The following RC3H2 variants were observed in gnomAD, a reference collection of about 807,000 sequenced individuals.
RC3H2 encodes the protein roquin-2.
In RC3H2, 31 loss-of-function variants were observed where a neutral mutation model predicts 133.3. The ratio of observed to expected loss-of-function variants is 0.23; its 90% confidence interval spans 0.17 to 0.31. The LOEUF is 0.31. RC3H2 is among the 10% of genes least tolerant of loss of function. The probability of loss-of-function intolerance (pLI) is 1.00; values close to 1 mark genes in which losing one functional copy is unlikely to be tolerated. For synonymous variants in RC3H2, 517 were observed against 502.2 expected (o/e 1.03, Z -0.40); for missense variants, 1,175 against 1,437.2 (o/e 0.82, Z 2.95).
At chr9:122,900,886 C>T (rs1832624489) in intron 1 of RC3H2, among the ~76,000 whole-genome samples, 1 of 152,116 alleles carries the variant, frequency 6.6e-6, no homozygotes, top group African/African-American at 2.4e-5. Flanking sequence ...GTGAGAAATG[C>T]TAAATTAAAG....
intron 18 of RC3H2, among the ~76,000 whole-genome samples, chr9:122,853,105 C>A (rs529130581): frequency 6.6e-6 from 1 of 152,204 alleles, no homozygotes; most frequent in East Asian, 1.9e-4. Context: ...CTCTCTGAAA[C>A]ATGTGCTGTG....
At chr9:122,851,504 G>A in intron 18 of RC3H2, 68 bp from the exon 19 acceptor site, 2 of 1,554,330 alleles carry the variant, frequency 1.3e-6, no homozygotes, top group East Asian at 2.3e-5. Flanking sequence ...TCTCCCCATG[G>A]TCTCCCTCTC....
At chr9:122,856,593 T>G (rs1334173032) in intron 13 of RC3H2, among the ~76,000 whole-genome samples, 1 of 151,918 alleles carries the variant, frequency 6.6e-6, no homozygotes, top group Non-Finnish European at 1.5e-5. Flanking sequence ...CATGTGCAAA[T>G]AAGGGAATAT....
At chr9:122,864,426 G>A (rs1830563054) in intron 10 of RC3H2, among the ~76,000 whole-genome samples, 1 of 152,114 alleles carries the variant, frequency 6.6e-6, no homozygotes, top group Non-Finnish European at 1.5e-5. Context: ...TATCTGGTAG[G>A]CATTGTTCAA....
At chr9:122,875,348 T>TA in intron 9 of RC3H2, 2 of 1,550,532 alleles carry the variant, frequency 1.3e-6, no homozygotes, top group Non-Finnish European at 1.7e-6. Flanking sequence ...ACAATGAAGA[T>TA]ATAGTCCACG....
At chr9:122,887,176 G>T (rs1588102910) in intron 4 of RC3H2, among the ~76,000 whole-genome samples, 1 of 152,076 alleles carries the variant, frequency 6.6e-6, no homozygotes, top group Non-Finnish European at 1.5e-5. Context: ...GTAAAATTGT[G>T]ATTTTTCTAA....
At position 122,905,132 on chromosome 9, in the gene RC3H2, G is replaced by C; in HGVS notation, c.-90C>G. ...TACCTGAGGGGGCCCGGGCGGGGTC[G>C]CTAAGGGCCGCTCCCGGGAGCCCCG... On this transcript the variant is annotated 5_prime_UTR_variant, in exon 1 of 21. Coordinates refer to ENST00000357244, the MANE Select transcript of RC3H2 (RefSeq NM_001100588.3). The C allele has an allele frequency of 1.0e-6, 1 of 985,400 alleles. No individual in the cohort carries two copies. The highest frequency in any genetic ancestry group is 1.2e-6 in the Non-Finnish European group (1 of 829,914). 61.0% of individuals were successfully genotyped at this position (985,400 alleles called of 1,614,324 possible). A position where few individuals can be genotyped will look rare whatever the true frequency, so the allele number is the denominator to read the frequency against.
intron 15 of RC3H2, 101 bp from the exon 16 acceptor site, chr9:122,854,716 G>C: frequency 1.3e-6 from 1 of 763,132 alleles, no homozygotes; most frequent in East Asian, 2.6e-5. Flanking sequence ...TATCCCACTA[G>C]CCATATGATG....
At chr9:122,879,906 G>C (rs1362859767) in intron 7 of RC3H2, 33 bp from the exon 8 acceptor site, 5 of 1,611,312 alleles carry the variant, frequency 3.1e-6, no homozygotes, top group Non-Finnish European at 4.2e-6. Context: ...TGGGGGTTGG[G>C]GGGGAAGAAT....
At position 122,855,344 on chromosome 9, in the gene RC3H2, T is replaced by A. The variant is rs908304697; in HGVS notation, c.2655A>T (p.Arg885Ser). The A allele has an allele frequency of 6.2e-7, 1 of 1,614,010 alleles. No homozygotes were observed. ...TTATTGGATCTTCTTCTTTTGTCCT[T>A]CTCTGGGTTTCAAATAAATGTACTC... ...KRRVHLFETQ[R>S]RTKEEDPIIP... is the part of the protein sequence containing the mutation. Residue 885 changes from arginine (R) to serine (S), a missense_variant, in exon 15 of 21, where the codon AGA (arginine) becomes AGT (serine). This residue lies in a region of RC3H2 where 138 missense variants were observed against 215.0 expected (regional missense o/e 0.64). Transcript: ENST00000357244.
At chr9:122,879,585 A>T (rs1238209659) in intron 8 of RC3H2, among the ~76,000 whole-genome samples, 170 bp downstream of exon 8, 1 of 152,204 alleles carries the variant, frequency 6.6e-6, no homozygotes, top group Non-Finnish European at 1.5e-5. Context: ...TTGGTGTGCT[A>T]TGAAATGTTT....
rs1425806225 is a variant in RC3H2, at chr9:122,848,789, T to TA, written c.*837dup. ...AATGTACAGGCTTAAATCTGCATTT[T>TA]AAAAAACTGCCATTACATTAGTGCA... is the stretch of plus-strand genomic sequence containing the variant. On this transcript the variant is annotated 3_prime_UTR_variant, in exon 21 of 21. Transcript: ENST00000357244. 2 of 152,316 alleles carry TA rather than the reference T, an allele frequency of 1.3e-5. No homozygotes were observed. Among genetic ancestry groups the TA allele is most frequent in the Non-Finnish European group, 2.9e-5 (2 of 68,008 alleles). 9.4% of individuals were successfully genotyped at this position (152,316 alleles called of 1,614,324 possible). A position where few individuals can be genotyped will look rare whatever the true frequency, so the allele number is the denominator to read the frequency against.
intron 9 of RC3H2, among the ~76,000 whole-genome samples, chr9:122,876,679 G>T (rs956562203): frequency 6.6e-6 from 1 of 151,138 alleles, no homozygotes; most frequent in African/African-American, 2.4e-5. Flanking sequence ...GAAAAGCTGG[G>T]ATCAATTTTT....
At chr9:122,887,111 T>C (rs930296875) in intron 4 of RC3H2, among the ~76,000 whole-genome samples, 1 of 152,344 alleles carries the variant, frequency 6.6e-6, no homozygotes, top group Non-Finnish European at 1.5e-5. Flanking sequence ...TCTCGTCTAA[T>C]GGGTTTAACA....
At chr9:122,891,680 C>G (rs922089841) in intron 3 of RC3H2, among the ~76,000 whole-genome samples, 3 of 152,178 alleles carry the variant, frequency 2.0e-5, no homozygotes, top group Middle Eastern at 3.2e-3. Flanking sequence ...AGTCCACGCT[C>G]TTTAGATAGC....
chr9:122,891,272 C>T (rs1832157610), intron 3 of RC3H2, among the ~76,000 whole-genome samples: 1 of 152,174 alleles, frequency 6.6e-6, no homozygotes, highest in Admixed American at 6.5e-5. Flanking sequence ...ATCTGCCCGC[C>T]TCGGCCTCTC....
intron 9 of RC3H2, among the ~76,000 whole-genome samples, chr9:122,876,576 C>T (rs1831347727): frequency 6.7e-6 from 1 of 149,484 alleles, no homozygotes; most frequent in African/African-American, 2.5e-5. Context: ...TGCAGTGAGC[C>T]AAGATCATGC....
At chr9:122,899,920 T>C (rs1428657620) in intron 1 of RC3H2, among the ~76,000 whole-genome samples, 4 of 152,202 alleles carry the variant, frequency 2.6e-5, no homozygotes, top group African/African-American at 7.2e-5. Flanking sequence ...TAAGAGCAAA[T>C]ACCTTTTCCT....
chr9:122,859,662 A>AT (rs1382398464), intron 11 of RC3H2, among the ~76,000 whole-genome samples: 3 of 152,072 alleles, frequency 2.0e-5, no homozygotes, highest in Admixed American at 6.6e-5. Flanking sequence ...TAAATAAAAC[A>AT]TTTTTTTACA....
Sources: gnomAD v4.1 joint callset for allele counts (sites outside exome capture counted in the v4.1 genomes callset) on GRCh38, gnomAD v4.1.1 for gene constraint, gnomAD v4.1.1 regional missense constraint, MANE v1.5 for transcripts, NCBI Gene and HGNC (gene_info 2026-07-23, HGNC 2026-07-21) for gene names.